The following USP25 variants were observed in gnomAD, a reference collection of about 807,000 sequenced individuals.
USP25 encodes ubiquitin carboxyl-terminal hydrolase 25.
Under a neutral mutation model 158.5 loss-of-function variants are expected in USP25, and 85 were observed. The observed-to-expected ratio is 0.54, with a 90% CI of 0.45 to 0.64. The LOEUF is 0.64. Among genes scored for constraint, USP25 ranks in the 30% least tolerant of loss-of-function variants. USP25 has a pLI of 0.00. For missense variants in USP25, 1,242 were observed against 1,327.3 expected (o/e 0.94, Z 1.00); for synonymous variants, 464 against 460.4 (o/e 1.01, Z -0.10).
intron 9 of USP25, among the ~76,000 whole-genome samples, chr21:15,813,803 C>T (rs2146305995): frequency 6.6e-6 from 1 of 152,192 alleles, no homozygotes; most frequent in Middle Eastern, 3.4e-3. Flanking sequence ...TTAAACCTAG[C>T]CCCAGTTTAG....
intron 1 of USP25, among the ~76,000 whole-genome samples, chr21:15,752,096 G>A (rs1410286375): frequency 6.6e-6 from 1 of 152,068 alleles, no homozygotes; most frequent in Non-Finnish European, 1.5e-5. Flanking sequence ...ACCACGCCTG[G>A]CTAATTTTGT....
rs779653373 is a variant in USP25 at position 15,808,773 on chromosome 21, A to G, written c.781-36A>G. Reference sequence around the variant, plus strand: ...CAACATCTAGTATTTTTTTTTTAGTAGGCTCAAATATCAACAGGCTTTTTT... The same window carrying G: ...CAACATCTAGTATTTTTTTTTTAGTGGGCTCAAATATCAACAGGCTTTTTT... On this transcript the variant is annotated intron_variant, in intron 7 of 25. Coordinates refer to ENST00000400183, the MANE Select transcript of USP25 (RefSeq NM_001283041.3). 15 of 1,507,358 alleles carry G rather than the reference A, an allele frequency of 1.0e-5. 1 individual carries two copies. The South Asian group carries it at 1.9e-4, about 19-fold the overall frequency. 93.4% of individuals were successfully genotyped at this position (1,507,358 alleles called of 1,614,324 possible).
intron 20 of USP25, among the ~76,000 whole-genome samples, chr21:15,863,563 G>C (rs767238970): frequency 6.6e-5 from 10 of 152,262 alleles, no homozygotes; most frequent in Non-Finnish European, 1.3e-4. Flanking sequence ...TGTTCAAACT[G>C]ATGCTTAGAA....
chr21:15,856,478 CT>C (rs752182210), intron 20 of USP25, among the ~76,000 whole-genome samples: 74 of 142,308 alleles, frequency 5.2e-4, no homozygotes, highest in East Asian at 5.1e-3. Flanking sequence ...CTTTTTTTTT[CT>C]TTTTTTTTTT....
rs140563800 is a variant in USP25 at position 15,801,534 on chromosome 21, C to T, written c.642+1691C>T. Among the ~76,000 whole-genome samples the T allele has an allele frequency of 5.8e-4, 88 of 151,680 alleles. 3 individuals are homozygous for T. The East Asian group carries it at 0.017, about 29-fold the overall frequency. On this transcript the variant is annotated intron_variant, in intron 6 of 25. Coordinates refer to ENST00000400183, the MANE Select transcript of USP25 (RefSeq NM_001283041.3). ...TTTAGTATAGTGACAGCAGTACACA[C>T]TATACCTTGACATCTTTGAAGCAAA...
In USP25 at chr21:15,877,981, A is replaced by C; in HGVS notation, c.3195A>C (p.Gln1065His). ...ATCGATGGTGTTCCTACCTTGGTCA[A>C]GAAATGGAACGTAAGTTTAAACAAT... ...MRNRWCSYLG[Q>H]EMEPHLQEKL... Residue 1065 changes from glutamine (Q) to histidine (H), a missense_variant, in exon 25 of 26, where the codon CAA becomes CAC. Gln to His is a conservative substitution (Grantham distance 24). Coordinates refer to ENST00000400183, the MANE Select transcript of USP25 (RefSeq NM_001283041.3). 1 of 1,609,042 alleles carries C rather than the reference A, an allele frequency of 6.2e-7. No individual in the cohort carries two copies. Among genetic ancestry groups the C allele is most frequent in the Non-Finnish European group, 8.5e-7 (1 of 1,177,772 alleles).
chr21:15,811,373 T>A (rs1029744279), intron 9 of USP25, among the ~76,000 whole-genome samples, 163 bp downstream of exon 9: 1 of 152,232 alleles, frequency 6.6e-6, no homozygotes, highest in African/African-American at 2.4e-5. Context: ...AAGCACAGAA[T>A]TGAATGAAGG....
chr21:15,859,625 A>G (rs922716079), intron 20 of USP25, among the ~76,000 whole-genome samples: 3 of 152,270 alleles, frequency 2.0e-5, no homozygotes, highest in South Asian at 2.1e-4. Context: ...CCAGATTTCT[A>G]GGGCAAACTT....
At chr21:15,815,362 T>G (rs73346769) in intron 9 of USP25, among the ~76,000 whole-genome samples, 14,640 of 152,228 alleles carry the variant, frequency 0.096, 720 homozygotes, top group African/African-American at 0.1. Flanking sequence ...GGGCACCACC[T>G]AGTGGAACTG....
chr21:15,735,005 A>C (rs1040419653), intron 1 of USP25, among the ~76,000 whole-genome samples: 2 of 152,194 alleles, frequency 1.3e-5, no homozygotes, highest in Admixed American at 1.3e-4. Context: ...CTGAAGAAAC[A>C]GTATTGGAGA....
intron 1 of USP25, among the ~76,000 whole-genome samples, chr21:15,738,435 C>T (rs928807446): frequency 3.3e-5 from 5 of 152,200 alleles, no homozygotes; most frequent in South Asian, 2.1e-4. Context: ...TTTATTAGGT[C>T]GTGTTTAATA....
At chr21:15,811,283 T>A (rs1386860338) in intron 9 of USP25, 73 bp downstream of exon 9, 1 of 1,372,524 alleles carries the variant, frequency 7.3e-7, no homozygotes, top group Non-Finnish European at 1.0e-6. Flanking sequence ...CGATAGTTAC[T>A]ATTTTTTTAG....
chr21:15,846,374 C>T (rs1457688216), intron 18 of USP25, among the ~76,000 whole-genome samples: 1 of 151,268 alleles, frequency 6.6e-6, no homozygotes, highest in Non-Finnish European at 1.5e-5. Context: ...GTTGGCTAGG[C>T]TGATCTCCAG....
In USP25 at chr21:15,866,249, A is replaced by G. The variant is rs1262413615; in HGVS notation, c.2727-17A>G. On this transcript the variant is annotated splice_polypyrimidine_tract_variant and intron_variant, in intron 21 of 25. Transcript: ENST00000400183. ...CACACATACACACACGCTCATATGT[A>G]TGTGTTTTTTTTTAAGGTGTCACAA... is the stretch of plus-strand genomic sequence containing the variant. 11 of 1,569,758 alleles carry G rather than the reference A, an allele frequency of 7.0e-6. No homozygotes were observed. The highest frequency in any genetic ancestry group is 1.8e-5 in the Admixed American group (1 of 56,682).
At chr21:15,830,331 A>C (rs182205354) in intron 14 of USP25, among the ~76,000 whole-genome samples, 200 bp from the exon 15 acceptor site, 1 of 152,272 alleles carries the variant, frequency 6.6e-6, no homozygotes. Context: ...TTGTTTTTAA[A>C]GTATGCATTT....
intron 20 of USP25, among the ~76,000 whole-genome samples, chr21:15,858,080 C>T (rs528401446): frequency 2.5e-4 from 38 of 152,072 alleles, no homozygotes; most frequent in African/African-American, 8.2e-4. Flanking sequence ...CACTGAATAC[C>T]AGTGATCTTA....
At chr21:15,874,299 T>C in intron 23 of USP25, 104 bp from the exon 24 acceptor site, 1 of 1,056,014 alleles carries the variant, frequency 9.5e-7, no homozygotes, top group Non-Finnish European at 1.3e-6. Flanking sequence ...ATAATGTAGA[T>C]TATCAAAACT....
chr21:15,748,411 A>G (rs1440966741), intron 1 of USP25, among the ~76,000 whole-genome samples: 2 of 148,640 alleles, frequency 1.3e-5, no homozygotes, highest in African/African-American at 2.5e-5. Context: ...CCTCCCAAGT[A>G]GCTGGGACTA....
chr21:15,829,473 A>T (rs923804186), intron 14 of USP25, among the ~76,000 whole-genome samples: 7 of 152,188 alleles, frequency 4.6e-5, no homozygotes, highest in African/African-American at 1.7e-4. Flanking sequence ...CCTGTCTCCC[A>T]GTATCCTCCC....
Sources: gnomAD v4.1 joint callset for allele counts (sites outside exome capture counted in the v4.1 genomes callset) on GRCh38, gnomAD v4.1.1 for gene constraint, MANE v1.5 for transcripts, NCBI Gene and HGNC (gene_info 2026-07-23, HGNC 2026-07-21) for gene names.